The following NLGN1 variants were observed in gnomAD, a reference collection of about 807,000 sequenced individuals.
NLGN1 encodes the protein neuroligin-1.
A neutral mutation model predicts 65.5 loss-of-function variants in NLGN1; 12 were observed. The observed-to-expected ratio is 0.18, with a 90% CI of 0.12 to 0.30. NLGN1 has a LOEUF of 0.30. NLGN1 is among the 10% of genes least tolerant of loss of function. NLGN1 has a pLI of 1.00. For missense variants in NLGN1, 750 were observed against 1,007.1 expected (o/e 0.74, Z 3.46); for synonymous variants, 350 against 359.5 (o/e 0.97, Z 0.30).
rs1751282386 is a variant in NLGN1 at position 174,280,037 on chromosome 3, CAAG to C, written c.1649+391_1649+393del. Among the ~76,000 whole-genome samples, 1 of 151,974 alleles carries C rather than the reference CAAG, an allele frequency of 6.6e-6. No homozygotes were observed. The highest frequency in any genetic ancestry group is 1.5e-5 in the Non-Finnish European group (1 of 67,946). ...ATCAGGTACTATTAATCCCACTTTA[CAAG>C]AAGGAGACCTGAGGCTCTGTGAGTG... On this transcript the variant is annotated intron_variant, in intron 6 of 6. Coordinates refer to ENST00000457714, the Ensembl canonical transcript of NLGN1. The surrounding 1 kb of genome is among the most constrained non-coding windows in gnomAD (Gnocchi z 4.9).
At chr3:173,613,739 A>G (rs1752647260) in intron 3 of NLGN1, among the ~76,000 whole-genome samples, 1 of 152,156 alleles carries the variant, frequency 6.6e-6, no homozygotes, top group South Asian at 2.1e-4. Context: ...TTCATTTGGT[A>G]TCTATGAAAT....
intron 3 of NLGN1, among the ~76,000 whole-genome samples, chr3:173,702,759 A>T (rs1000587693): frequency 3.3e-5 from 5 of 152,158 alleles, no homozygotes; most frequent in African/African-American, 1.2e-4. Flanking sequence ...ATCAGTTTCT[A>T]TGGAGACACT....
intron 3 of NLGN1, among the ~76,000 whole-genome samples, chr3:173,729,906 A>G (rs1008443892): frequency 1.3e-5 from 2 of 151,966 alleles, no homozygotes; most frequent in South Asian, 2.1e-4. Flanking sequence ...ACATTTGCAT[A>G]TCTATTTGTT....
At chr3:173,586,655 CAATA>C (rs1747501679) in intron 2 of NLGN1, among the ~76,000 whole-genome samples, 1 of 152,144 alleles carries the variant, frequency 6.6e-6, no homozygotes, top group Admixed American at 6.5e-5. Context: ...ATAGAAATAA[CAATA>C]AATAGTTTCT....
At chr3:173,585,557 C>T (rs966451816) in intron 2 of NLGN1, among the ~76,000 whole-genome samples, 4 of 152,126 alleles carry the variant, frequency 2.6e-5, no homozygotes, top group African/African-American at 9.7e-5. Flanking sequence ...GTCACTGCAC[C>T]GGATAGAGAC....
At chr3:174,212,158 G>A (rs981328110) in intron 4 of NLGN1, among the ~76,000 whole-genome samples, 7 of 152,312 alleles carry the variant, frequency 4.6e-5, no homozygotes, top group Non-Finnish European at 8.8e-5. Flanking sequence ...GGAGCACAGC[G>A]CCGGTGGGCC....
chr3:174,077,649 G>T (rs954293774), intron 4 of NLGN1, among the ~76,000 whole-genome samples: 1 of 151,914 alleles, frequency 6.6e-6, no homozygotes, highest in African/African-American at 2.4e-5. Flanking sequence ...TCCGCCTCCC[G>T]GGTTCAAGCA....
Position 174,141,210 on chromosome 3 carries a change from T to A in NLGN1, c.647-134105T>A, listed in dbSNP as rs544482625. ...AATTAACAAGAAAAAGACTTTTTTTTAAAATGCAAGCAAATCATTTTTCAG... is the reference window on the plus strand; with the variant it reads ...AATTAACAAGAAAAAGACTTTTTTTAAAAATGCAAGCAAATCATTTTTCAG... On this transcript the variant is annotated intron_variant, in intron 4 of 6. Transcript: ENST00000457714. Among the ~76,000 whole-genome samples the A allele has an allele frequency of 9.7e-3, 1,473 of 152,224 alleles. 23 individuals carry two copies. The highest frequency in any genetic ancestry group is 0.034 in the African/African-American group (1,421 of 41,550).
intron 3 of NLGN1, among the ~76,000 whole-genome samples, chr3:173,702,182 T>G (rs1296375299): frequency 1.4e-5 from 2 of 140,552 alleles, no homozygotes; most frequent in Non-Finnish European, 3.0e-5. Flanking sequence ...GAGCTTGCAG[T>G]GAGCCGAGAT....
At chr3:173,991,500 A>C (rs1203973224) in intron 4 of NLGN1, among the ~76,000 whole-genome samples, 1 of 152,170 alleles carries the variant, frequency 6.6e-6, no homozygotes, top group Non-Finnish European at 1.5e-5. Flanking sequence ...GTCGAATAGA[A>C]TGTTACTAGC....
At chr3:174,145,815 C>A (rs1723118450) in intron 4 of NLGN1, among the ~76,000 whole-genome samples, 1 of 152,120 alleles carries the variant, frequency 6.6e-6, no homozygotes, top group South Asian at 2.1e-4. Flanking sequence ...TTGTTTAAAT[C>A]TAAACTTCAC....
At chr3:174,096,813 A>C (rs1165781568) in intron 4 of NLGN1, among the ~76,000 whole-genome samples, 2 of 152,124 alleles carry the variant, frequency 1.3e-5, no homozygotes, top group Non-Finnish European at 2.9e-5. Flanking sequence ...GAATTTTTCT[A>C]ATGTAATTGA....
intron 3 of NLGN1, among the ~76,000 whole-genome samples, chr3:173,721,699 AG>A (rs1770858847): frequency 6.6e-6 from 1 of 152,200 alleles, no homozygotes; most frequent in Non-Finnish European, 1.5e-5. Flanking sequence ...TGGAGATAGT[AG>A]GGAGTTTTAA....
intron 5 of NLGN1, among the ~76,000 whole-genome samples, chr3:174,276,562 G>GT (rs1299219165): frequency 1.3e-5 from 2 of 151,878 alleles, no homozygotes; most frequent in African/African-American, 4.8e-5. Flanking sequence ...GTAAGGTTGA[G>GT]TTTTGTGATA....
At chr3:174,031,844 C>T (rs192641156) in intron 4 of NLGN1, among the ~76,000 whole-genome samples, 1 of 151,864 alleles carries the variant, frequency 6.6e-6, no homozygotes, top group Non-Finnish European at 1.5e-5. Context: ...TCCTGGTATC[C>T]TGGATGAAAA....
chr3:173,551,991 A>G (rs1740946626), intron 2 of NLGN1, among the ~76,000 whole-genome samples: 1 of 152,136 alleles, frequency 6.6e-6, no homozygotes, highest in South Asian at 2.1e-4. Flanking sequence ...GATAGAAAAT[A>G]CTCTTTGTAA....
chr3:173,623,946 C>G (rs1754415612), intron 3 of NLGN1, among the ~76,000 whole-genome samples: 1 of 152,026 alleles, frequency 6.6e-6, no homozygotes, highest in African/African-American at 2.4e-5. Context: ...AAAAGATAGG[C>G]AATAAATAAC....
chr3:174,030,872 A>G (rs972611), intron 4 of NLGN1, among the ~76,000 whole-genome samples: 39,494 of 152,004 alleles, frequency 0.26, 6,025 homozygotes, highest in African/African-American at 0.42. Context: ...TCTAGAAGCG[A>G]GGATAATATT....
chr3:173,765,539 T>C (rs1018700284), intron 3 of NLGN1, among the ~76,000 whole-genome samples: 3 of 152,156 alleles, frequency 2.0e-5, no homozygotes, highest in Non-Finnish European at 4.4e-5. Context: ...CAGTAACAGC[T>C]TCCTCAGTAA....
Sources: allele counts gnomAD v4.1 joint callset (sites outside exome capture counted in the v4.1 genomes callset), GRCh38; gene constraint gnomAD v4.1.1; non-coding constraint Gnocchi (gnomAD v3.1); transcripts MANE v1.5; gene names NCBI Gene and HGNC (gene_info 2026-07-23, HGNC 2026-07-21).